Variants in BTBD2 observed in about 807,000 individuals in gnomAD.
The protein encoded by BTBD2 is BTB domain containing 2.
BTBD2 carries 15 observed loss-of-function variants against 44.0 expected under a neutral mutation model. That is an observed-to-expected ratio of 0.34 (90% CI 0.23 to 0.53). The LOEUF (loss-of-function observed/expected upper bound fraction) is 0.53, where lower values mean the gene tolerates loss of function less well. BTBD2 is among the 20% of genes least tolerant of loss of function. The pLI is 0.95. For missense variants in BTBD2, 657 were observed against 746.4 expected, an observed-to-expected ratio of 0.88 and a Z score of 1.39; for synonymous variants, 443 against 335.9, an observed-to-expected ratio of 1.32 and a Z score of -3.49.
chr19:1,988,308 G>C (rs1307698787), intron 5 of BTBD2: 1 of 152,750 alleles, frequency 6.5e-6, no homozygotes, highest in Non-Finnish European at 1.5e-5. Context: ...TGGGTAGGGA[G>C]GGGAGGCCAG....
At position 2,008,385 on chromosome 19, in the gene BTBD2, T is replaced by G. The variant is rs1026235276; in HGVS notation, c.407+6912A>C. 8.6e-5 allele frequency among the ~76,000 whole-genome samples: 13 copies of G among 151,150 alleles called. No individual in the cohort carries two copies. The Admixed American group carries it at 8.6e-4, about 10-fold the overall frequency. ...TGCGATCTCAGATCACCACAACCTC[T>G]GCCACCCAGGTTTAAGCGGTTCTCC... On this transcript the variant is annotated intron_variant, in intron 1 of 8. Transcript: ENST00000255608.
intron 1 of BTBD2, chr19:2,014,066 C>G (rs1404534435): frequency 6.6e-6 from 1 of 151,112 alleles, no homozygotes; most frequent in African/African-American, 2.4e-5. Context: ...TCCTGGGATG[C>G]AGGGGTGACA....
At chr19:1,996,013 T>C (rs1369478253) in intron 2 of BTBD2, among the ~76,000 whole-genome samples, 5 of 152,148 alleles carry the variant, frequency 3.3e-5, no homozygotes, top group Non-Finnish European at 7.4e-5. Context: ...TCTAACTTCA[T>C]TCTTCTGCAT....
intron 7 of BTBD2, 67 bp downstream of exon 7, chr19:1,987,099 G>GTTC: frequency 6.3e-7 from 1 of 1,597,506 alleles, no homozygotes; most frequent in Non-Finnish European, 8.6e-7. Flanking sequence ...TTCAGCCAGG[G>GTTC]TTCCATGGAG....
intron 4 of BTBD2, chr19:1,990,516 G>A (rs1156899426): frequency 4.8e-6 from 3 of 618,914 alleles, no homozygotes; most frequent in Non-Finnish European, 5.6e-6. Flanking sequence ...TGGGATGGTG[G>A]GCTCTGGCCT....
intron 3 of BTBD2, chr19:1,991,391 G>A (rs1268663639): frequency 6.5e-6 from 1 of 153,714 alleles, no homozygotes; most frequent in Non-Finnish European, 1.4e-5. Context: ...TATGCCAGCA[G>A]GGACCCGGGC....
chr19:1,989,955 T>A, intron 5 of BTBD2, 49 bp downstream of exon 5: 2 of 1,601,334 alleles, frequency 1.2e-6, no homozygotes, highest in Non-Finnish European at 1.7e-6. Context: ...GATGCCCACC[T>A]GTGTGCCACT....
intron 1 of BTBD2, among the ~76,000 whole-genome samples, chr19:1,998,986 C>T (rs538435520): frequency 1.6e-4 from 24 of 152,272 alleles, no homozygotes; most frequent in Non-Finnish European, 2.5e-4. Context: ...CGGAAAGCTC[C>T]GGAGCTACAG....
In BTBD2 at chr19:1,987,640, C is replaced by T; in HGVS notation, c.1041G>A (p.Leu347=). ...LVDREVVSLF[L]HFTVNPKPRV... ...GTGGCTTGGGGTTGACGGTGAAGTG[C>T]AGGAAGAGGCTGACCACCTCGCGGT... is the stretch of plus-strand genomic sequence containing the variant. Residue 347 remains leucine (L), a synonymous_variant, in exon 6 of 9, where the codon CTG becomes CTA. Coordinates refer to ENST00000255608, the MANE Select transcript of BTBD2 (RefSeq NM_017797.4). 1.2e-6 allele frequency: 2 copies of T among 1,612,004 alleles called. No individual in the cohort carries two copies. Among genetic ancestry groups the T allele is most frequent in the Non-Finnish European group, 1.7e-6 (2 of 1,179,422 alleles).
At chr19:1,997,144 C>T (rs2016261617) in intron 2 of BTBD2, among the ~76,000 whole-genome samples, 200 bp downstream of exon 2, 1 of 151,924 alleles carries the variant, frequency 6.6e-6, no homozygotes, top group Non-Finnish European at 1.5e-5. Flanking sequence ...CACGGCACTG[C>T]ACTCCAGCCT....
chr19:1,998,859 C>G (rs575825371), intron 1 of BTBD2, among the ~76,000 whole-genome samples: 3 of 152,090 alleles, frequency 2.0e-5, no homozygotes, highest in African/African-American at 7.2e-5. Flanking sequence ...GCTCGGCCTG[C>G]GCGCGGCGGA....
intron 3 of BTBD2, 31 bp from the exon 4 acceptor site, chr19:1,990,853 G>GGTC (rs2016167207): frequency 6.6e-7 from 1 of 1,520,730 alleles, no homozygotes; most frequent in Non-Finnish European, 8.9e-7. Flanking sequence ...GGGGCGCGGT[G>GGTC]GGGACATCAG....
At chr19:1,988,513 T>C (rs2016125827) in intron 5 of BTBD2, 1 of 152,172 alleles carries the variant, frequency 6.6e-6, no homozygotes, top group African/African-American at 2.4e-5. Flanking sequence ...CAGACCATTA[T>C]GGGTTAAGTG....
Position 1,986,953 on chromosome 19 carries a change from G to A in BTBD2, c.1293C>T (p.Thr431=), listed in dbSNP as rs540962872. The change falls in exon 8 of 9, where the codon ACC becomes ACT. Residue 431 remains threonine (T), a synonymous_variant. Coordinates refer to ENST00000255608, the MANE Select transcript of BTBD2 (RefSeq NM_017797.4). ...NIQIIHTDSN[T]VLGQNDTGFS... Reference sequence around the variant, plus strand: ...AGCCCGTGTCGTTCTGGCCCAAGACGGTGTTGCTATCGGTGTGAATAATCT... The same window carrying A: ...AGCCCGTGTCGTTCTGGCCCAAGACAGTGTTGCTATCGGTGTGAATAATCT... 4.7e-5 allele frequency: 76 copies of A among 1,612,978 alleles called. 1 individual carries two copies. In the South Asian group the frequency reaches 5.7e-4, roughly 12 times the overall value.
At position 1,990,840 on chromosome 19, in the gene BTBD2, CG is replaced by C; in HGVS notation, c.685-19del. The C allele has an allele frequency of 1.3e-6, 2 of 1,541,186 alleles. No individual in the cohort carries two copies. Among genetic ancestry groups the C allele is most frequent in the Middle Eastern group, 2.1e-4 (1 of 4,766 alleles). On this transcript the variant is annotated intron_variant, in intron 3 of 8. Transcript: ENST00000255608. ...AGTCGCGCCTGGCAAGAGACATCGA[CG>C]GGGGGCGCGGTGGGGACATCAGCAC...
Position 1,986,428 on chromosome 19 carries a change from A to T in BTBD2, c.*60T>A, listed in dbSNP as rs1000658560. 11 of 1,595,062 alleles carry T rather than the reference A, an allele frequency of 6.9e-6. No individual in the cohort carries two copies. In the Admixed American group the frequency reaches 1.5e-4, roughly 22 times the overall value. On this transcript the variant is annotated 3_prime_UTR_variant, in exon 9 of 9. Coordinates refer to ENST00000255608, the MANE Select transcript of BTBD2 (RefSeq NM_017797.4). ...CGTGGTGGGGGGGCCCCAGCAGCAG[A>T]TGATGGCCTGGGGCTGCGGCTATCC...
intron 1 of BTBD2, chr19:2,014,148 A>G (rs996379500): frequency 6.7e-6 from 1 of 149,654 alleles, no homozygotes; most frequent in Non-Finnish European, 1.5e-5. Context: ...GGGGTGAAGG[A>G]CCTGGGGAAG....
chr19:1,990,472 T>G lies in BTBD2; in HGVS notation c.790+245A>C, dbSNP rs2016159655. 5 of 609,722 alleles carry G rather than the reference T, an allele frequency of 8.2e-6. 1 individual carries two copies. Among genetic ancestry groups the G allele is most frequent in the South Asian group, 4.0e-5 (2 of 50,158 alleles). The allele number at this position is 609,722 out of a possible 1,614,324, so 37.8% of individuals were successfully genotyped here. On this transcript the variant is annotated intron_variant, in intron 4 of 8. Transcript: ENST00000255608. ...CTGTTCAACAGCAAAGTCAAAGCCA[T>G]GGACCATCGGAGGACGAGATGGTCA...
chr19:2,011,694 C>T (rs527451270), intron 1 of BTBD2, among the ~76,000 whole-genome samples: 10 of 152,238 alleles, frequency 6.6e-5, no homozygotes, highest in East Asian at 3.9e-4. Context: ...GCTGCCCCAA[C>T]GGTGCCGGCC....
Sources: allele counts gnomAD v4.1 joint callset (sites outside exome capture counted in the v4.1 genomes callset), GRCh38; gene constraint gnomAD v4.1.1; transcripts MANE v1.5; gene names NCBI Gene and HGNC (gene_info 2026-07-23, HGNC 2026-07-21).